The following NPLOC4 variants were observed in gnomAD, a reference collection of about 807,000 sequenced individuals.
NPLOC4 encodes NPL4 homolog, ubiquitin recognition factor.
Under a neutral mutation model 80.6 loss-of-function variants are expected in NPLOC4, and 18 were observed. The ratio of observed to expected loss-of-function variants is 0.22; its 90% CI spans 0.15 to 0.33. NPLOC4 has a LOEUF of 0.33. NPLOC4 is among the 10% of genes least tolerant of loss of function. The pLI is 1.00. For missense variants in NPLOC4, 540 were observed against 786.1 expected (o/e 0.69, Z 3.74); for synonymous variants, 313 against 301.5 (o/e 1.04, Z -0.39).
At chr17:81,621,897 C>T (rs750075503) in intron 3 of NPLOC4, among the ~76,000 whole-genome samples, 1 of 152,198 alleles carries the variant, frequency 6.6e-6, no homozygotes, top group Non-Finnish European at 1.5e-5. Flanking sequence ...GCTCACTCCA[C>T]GCCGTACATG....
intron 7 of NPLOC4, 99 bp from the exon 8 acceptor site, chr17:81,604,826 T>C: frequency 3.4e-6 from 4 of 1,167,408 alleles, no homozygotes; most frequent in Non-Finnish European, 4.8e-6. Context: ...TTTACCTAGT[T>C]CTTTAAAAAA....
chr17:81,616,964 G>T (rs576146737), intron 3 of NPLOC4, among the ~76,000 whole-genome samples: 1 of 152,290 alleles, frequency 6.6e-6, no homozygotes, highest in Admixed American at 6.5e-5. Flanking sequence ...AAAGTCAGTG[G>T]CTCTTCCCAA....
At chr17:81,563,125 G>GA (rs1321651010) in intron 16 of NPLOC4, 2 of 151,448 alleles carry the variant, frequency 1.3e-5, no homozygotes, top group Non-Finnish European at 2.9e-5. Context: ...GCCCAGGCTG[G>GA]AGTACAGTGG....
At chr17:81,608,423 C>G (rs894844378) in intron 6 of NPLOC4, among the ~76,000 whole-genome samples, 10 of 152,162 alleles carry the variant, frequency 6.6e-5, no homozygotes, top group African/African-American at 2.4e-4. Context: ...CTTCTAGAAC[C>G]AGGTTGGCCA....
intron 12 of NPLOC4, among the ~76,000 whole-genome samples, chr17:81,585,339 A>G (rs1448946515): frequency 6.6e-6 from 1 of 152,012 alleles, no homozygotes; most frequent in African/African-American, 2.4e-5. Context: ...TATTCCCAAA[A>G]CTGTGCTCAT....
intron 2 of NPLOC4, among the ~76,000 whole-genome samples, chr17:81,626,905 C>T (rs1358496757): frequency 1.6e-5 from 2 of 127,454 alleles, no homozygotes; most frequent in African/African-American, 6.4e-5. Flanking sequence ...GACTGGCCAA[C>T]ATAGTGAAAC....
chr17:81,604,830 T>TA, intron 7 of NPLOC4, 103 bp from the exon 8 acceptor site: 1 of 1,093,678 alleles, frequency 9.1e-7, no homozygotes. Flanking sequence ...CCTAGTTCTT[T>TA]AAAAAACAAA....
chr17:81,587,109 G>GA (rs969189719), intron 12 of NPLOC4, among the ~76,000 whole-genome samples: 9 of 151,820 alleles, frequency 5.9e-5, no homozygotes, highest in African/African-American at 1.9e-4. Flanking sequence ...CCCATAATTA[G>GA]AAAAAAAATC....
chr17:81,591,522 A>G (rs1167258326), intron 11 of NPLOC4, among the ~76,000 whole-genome samples: 1 of 151,984 alleles, frequency 6.6e-6, no homozygotes, highest in Admixed American at 6.6e-5. Flanking sequence ...CATTCAAGAA[A>G]GAAAAATCTA....
intron 2 of NPLOC4, among the ~76,000 whole-genome samples, chr17:81,624,928 G>C (rs976091524): frequency 1.4e-4 from 22 of 152,194 alleles, no homozygotes; most frequent in Non-Finnish European, 4.4e-5. Context: ...TGGCGAGGCA[G>C]ACAGGGCCGT....
chr17:81,605,824 CTT>C lies in NPLOC4; in HGVS notation c.654+865_654+866del, dbSNP rs766106515. Among the ~76,000 whole-genome samples, 23 of 141,066 alleles carry C rather than the reference CTT, an allele frequency of 1.6e-4. 1 individual carries two copies. Among genetic ancestry groups the C allele is most frequent in the East Asian group, 2.1e-4 (1 of 4,836 alleles). 92.5% of individuals were successfully genotyped at this position (141,066 alleles called of 152,430 possible). The stretch of plus-strand genomic sequence containing the variant: ...CTAGGGCAAAAAACAAACACATTTT[CTT>C]TTTTTTTTTTTTTGAGACGGAGTCT... On this transcript the variant is annotated intron_variant, in intron 7 of 16. Coordinates refer to ENST00000331134, the MANE Select transcript of NPLOC4 (RefSeq NM_017921.4).
intron 1 of NPLOC4, among the ~76,000 whole-genome samples, chr17:81,631,090 T>C (rs959429893): frequency 3.9e-5 from 6 of 151,944 alleles, no homozygotes; most frequent in African/African-American, 1.5e-4. Context: ...GGAGAATCGC[T>C]TGAACCCAGG....
intron 12 of NPLOC4, among the ~76,000 whole-genome samples, chr17:81,583,535 T>C (rs191141170): frequency 1.3e-5 from 2 of 152,226 alleles, no homozygotes; most frequent in Non-Finnish European, 2.9e-5. Flanking sequence ...GCCACCTGGC[T>C]GCCCCAGAGA....
chr17:81,606,762 C>T lies in NPLOC4; in HGVS notation c.583G>A (p.Glu195Lys), dbSNP rs758048463. 1 of 1,613,730 alleles carries T rather than the reference C, an allele frequency of 6.2e-7. No individual in the cohort carries two copies. Among genetic ancestry groups the T allele is most frequent in the Non-Finnish European group, 8.5e-7 (1 of 1,179,780 alleles). ...NISCKIKSGC[E>K]GHLPWPNGIC... Reference sequence around the variant, plus strand: ...CCATTCGGCCACGGGAGGTGCCCCTCGCACCCTGACTTAATCTTGCAGCTG... The same window carrying T: ...CCATTCGGCCACGGGAGGTGCCCCTTGCACCCTGACTTAATCTTGCAGCTG... The change falls in exon 7 of 17, where the codon GAG (glutamate) becomes AAG (lysine). Residue 195 changes from glutamate to lysine, a missense_variant. Transcript: ENST00000331134.
At chr17:81,570,489 C>A (rs1028857026) in intron 13 of NPLOC4, among the ~76,000 whole-genome samples, 1 of 152,208 alleles carries the variant, frequency 6.6e-6, no homozygotes, top group African/African-American at 2.4e-5. Flanking sequence ...AGTGAGTGAG[C>A]TAGTGGGACT....
At chr17:81,582,060 G>A (rs1311339351) in intron 12 of NPLOC4, among the ~76,000 whole-genome samples, 1 of 152,194 alleles carries the variant, frequency 6.6e-6, no homozygotes, top group Admixed American at 6.5e-5. Context: ...AAGAACACCC[G>A]AGGGGCCCAG....
rs79973778 is a variant in NPLOC4 at position 81,580,011 on chromosome 17, A to T, written c.1282-7923T>A. The stretch of plus-strand genomic sequence containing the variant: ...GCTGAAGGCAAAGCCTCCTCTCCTG[A>T]CTCACCAGGGAGCTCCTTTCTTGCC... On this transcript the variant is annotated intron_variant, in intron 12 of 16. Transcript: ENST00000331134. The surrounding 1 kb of genome is among the most constrained non-coding windows in gnomAD (Gnocchi z 4.4). Among the ~76,000 whole-genome samples the T allele has an allele frequency of 0.08, 12,134 of 151,642 alleles. 561 individuals carry two copies. Among genetic ancestry groups the T allele is most frequent in the Middle Eastern group, 0.17 (50 of 292 alleles).
At chr17:81,621,543 T>C (rs2035667960) in intron 3 of NPLOC4, among the ~76,000 whole-genome samples, 1 of 152,170 alleles carries the variant, frequency 6.6e-6, no homozygotes. Context: ...AGTGCCCAGA[T>C]GGTTTCGATG....
chr17:81,620,472 G>C (rs2035635240), intron 3 of NPLOC4, among the ~76,000 whole-genome samples: 1 of 152,140 alleles, frequency 6.6e-6, no homozygotes. Context: ...CTCCAGCCTG[G>C]GCGACAGAGC....
Sources: allele counts gnomAD v4.1 joint callset (sites outside exome capture counted in the v4.1 genomes callset), GRCh38; gene constraint gnomAD v4.1.1; non-coding constraint Gnocchi (gnomAD v3.1); transcripts MANE v1.5; gene names NCBI Gene and HGNC (gene_info 2026-07-23, HGNC 2026-07-21).